The following CTNNA2 variants were observed in gnomAD, a reference collection of about 807,000 sequenced individuals.
CTNNA2 encodes the protein catenin alpha 2.
Under a neutral mutation model 101.0 loss-of-function variants are expected in CTNNA2, and 42 were observed. The observed-to-expected ratio is 0.42, with a 90% CI of 0.32 to 0.54. CTNNA2 has a LOEUF of 0.54. CTNNA2 is among the 20% of genes least tolerant of loss of function. The pLI, the probability that CTNNA2 is intolerant of heterozygous loss-of-function variation, is 0.14. For synonymous variants in CTNNA2, 450 were observed against 456.4 expected (o/e 0.99, Z 0.18); for missense variants, 871 against 1,223.1 (o/e 0.71, Z 4.29).
chr2:80,021,996 G>A (rs921603027), intron 7 of CTNNA2, among the ~76,000 whole-genome samples: 1 of 152,122 alleles, frequency 6.6e-6, no homozygotes, highest in Non-Finnish European at 1.5e-5. Context: ...ATTCCCAGTA[G>A]AAGACAAACA....
At chr2:80,103,842 C>A (rs1040068744) in intron 7 of CTNNA2, among the ~76,000 whole-genome samples, 2 of 152,200 alleles carry the variant, frequency 1.3e-5, no homozygotes, top group African/African-American at 4.8e-5. Context: ...TCAAGTGATT[C>A]TCTCGCCTCA....
At chr2:80,194,729 TTATTAA>T (rs1401674171) in intron 7 of CTNNA2, among the ~76,000 whole-genome samples, 4 of 149,864 alleles carry the variant, frequency 2.7e-5, no homozygotes, top group African/African-American at 4.9e-5. Context: ...CTATACATAC[TTATTAA>T]TATTAATTAT....
chr2:80,593,689 A>G lies in CTNNA2; in HGVS notation c.2189+4204A>G, dbSNP rs185972783. ...GCCTTCCATTTCTATGAATTTGACT[A>G]ATACAGGTATCTCACATCAGTTGAG... On this transcript the variant is annotated intron_variant, in intron 15 of 18. Coordinates refer to ENST00000402739, the MANE Select transcript of CTNNA2 (RefSeq NM_001282597.3). Among the ~76,000 whole-genome samples, 457 of 152,282 alleles carry G rather than the reference A, an allele frequency of 3.0e-3. 5 individuals carry two copies. Among genetic ancestry groups the G allele is most frequent in the African/African-American group, 0.01 (427 of 41,578 alleles).
At chr2:79,895,003 C>T (rs778105779) in intron 6 of CTNNA2, among the ~76,000 whole-genome samples, 16 of 152,202 alleles carry the variant, frequency 1.1e-4, no homozygotes, top group Non-Finnish European at 1.9e-4. Context: ...CAATAGATAG[C>T]CCATGGCTAC....
intron 12 of CTNNA2, chr2:80,572,838 T>G (rs958829732): frequency 6.6e-6 from 1 of 152,166 alleles, no homozygotes; most frequent in Non-Finnish European, 1.5e-5. Context: ...TAGAAGGAGA[T>G]TTCCCCATGC....
intron 17 of CTNNA2, among the ~76,000 whole-genome samples, chr2:80,616,690 G>GCTAAC (rs1698881342): frequency 6.6e-6 from 1 of 150,584 alleles, no homozygotes; most frequent in African/African-American, 2.4e-5. Context: ...GAAGTATACA[G>GCTAAC]CTAATCTACA....
intron 2 of CTNNA2, among the ~76,000 whole-genome samples, chr2:79,301,566 C>G (rs1164173091): frequency 6.6e-6 from 1 of 152,176 alleles, no homozygotes; most frequent in Non-Finnish European, 1.5e-5. Context: ...CTGCTAATGT[C>G]TCTGGACTCC....
At chr2:80,155,297 A>T (rs570921388) in intron 7 of CTNNA2, among the ~76,000 whole-genome samples, 2 of 152,232 alleles carry the variant, frequency 1.3e-5, no homozygotes, top group Non-Finnish European at 2.9e-5. Flanking sequence ...CAGGAGTGAT[A>T]GTTCTCCAGC....
chr2:79,512,921 C>T (rs1425198760), upstream of CTNNA2: 1 of 151,578 alleles, frequency 6.6e-6, no homozygotes, highest in Non-Finnish European at 1.5e-5. Context: ...CGCATGCGCA[C>T]TGGCTGCCTC....
chr2:79,305,221 A>AAT (rs1043406236), intron 2 of CTNNA2, among the ~76,000 whole-genome samples: 4 of 151,424 alleles, frequency 2.6e-5, no homozygotes, highest in Admixed American at 6.6e-5. Flanking sequence ...AGGACACACA[A>AAT]ATATATATAT....
chr2:80,337,735 C>T (rs1671878656), intron 7 of CTNNA2, among the ~76,000 whole-genome samples: 1 of 152,098 alleles, frequency 6.6e-6, no homozygotes, highest in Non-Finnish European at 1.5e-5. Context: ...TGGATTCTCC[C>T]TGGGGAATGC....
At chr2:79,343,024 GA>G (rs1677171990) in intron 3 of CTNNA2, among the ~76,000 whole-genome samples, 1 of 152,138 alleles carries the variant, frequency 6.6e-6, no homozygotes, top group Non-Finnish European at 1.5e-5. Context: ...ACTTGGATCT[GA>G]TTATGTCTAG....
rs1428647174 is a variant in CTNNA2 at position 80,555,775 on chromosome 2, G to A, written c.1623G>A (p.Gly541=). The A allele has an allele frequency of 2.5e-6, 4 of 1,600,078 alleles. No homozygotes were observed. The East Asian group carries it at 6.8e-5, about 27-fold the overall frequency. ...TGGACACTCTGGACCGGACTGCAGG[G>A]GCCATCAGGGGCCGGGCAGCTCGAG... ...GDVDTLDRTA[G]AIRGRAARVI... The change falls in exon 12 of 19, where the codon GGG becomes GGA. Residue 541 remains glycine, a synonymous_variant. Transcript: ENST00000402739.
chr2:79,906,490 C>A (rs751600533), intron 6 of CTNNA2, among the ~76,000 whole-genome samples: 1 of 152,182 alleles, frequency 6.6e-6, no homozygotes, highest in Non-Finnish European at 1.5e-5. Flanking sequence ...AGATACAGAT[C>A]TGAATATTGT....
chr2:80,595,498 C>T (rs1029155037), intron 15 of CTNNA2, among the ~76,000 whole-genome samples: 12 of 152,198 alleles, frequency 7.9e-5, no homozygotes, highest in Middle Eastern at 3.4e-3. Context: ...CTGGGATTTC[C>T]GGTACTATGT....
At chr2:80,199,182 GAAAAAAAAAAAAA>G (rs70940076) in intron 7 of CTNNA2, among the ~76,000 whole-genome samples, 10 of 40,050 alleles carry the variant, frequency 2.5e-4, no homozygotes, top group African/African-American at 6.8e-4. Context: ...CTCCATCTCA[GAAAAAAAAAAAAA>G]AAAAAAAAAA....
At chr2:80,594,206 C>T (rs1213440816) in intron 15 of CTNNA2, among the ~76,000 whole-genome samples, 1 of 151,986 alleles carries the variant, frequency 6.6e-6, no homozygotes, top group East Asian at 1.9e-4. Context: ...GAAGTGGTGT[C>T]TCATGGTGGT....
intron 2 of CTNNA2, among the ~76,000 whole-genome samples, chr2:79,730,515 A>G (rs1687131017): frequency 1.3e-5 from 2 of 152,012 alleles, no homozygotes; most frequent in Admixed American, 1.3e-4. Context: ...GCTTTCAAGT[A>G]TAATTTTCTT....
intron 7 of CTNNA2, among the ~76,000 whole-genome samples, chr2:80,116,108 G>T (rs746945669): frequency 2.0e-5 from 3 of 151,966 alleles, no homozygotes; most frequent in South Asian, 2.1e-4. Context: ...GTGGTTGTGG[G>T]CTACCTATAG....
Sources: allele counts gnomAD v4.1 joint callset (sites outside exome capture counted in the v4.1 genomes callset), GRCh38; gene constraint gnomAD v4.1.1; transcripts MANE v1.5; gene names NCBI Gene and HGNC (gene_info 2026-07-23, HGNC 2026-07-21).